SELENOF: variants seen among roughly 807,000 people sequenced by gnomAD.
The protein encoded by SELENOF is 15 kDa selenoprotein.
Under a neutral mutation model 20.5 loss-of-function variants are expected in SELENOF, and 16 were observed. The observed-to-expected ratio is 0.78, with a 90% CI of 0.53 to 1.19. SELENOF has a LOEUF of 1.19. SELENOF is among the 50% of genes most tolerant of loss of function. SELENOF has a pLI of 0.00. For synonymous variants in SELENOF, 78 were observed against 74.5 expected (o/e 1.05, Z -0.24); for missense variants, 215 against 194.2 (o/e 1.11, Z -0.64).
chr1:86,879,649 G>C (rs1183788388), intron 3 of SELENOF, among the ~76,000 whole-genome samples: 2 of 152,104 alleles, frequency 1.3e-5, no homozygotes, highest in Non-Finnish European at 2.9e-5. Flanking sequence ...TATGTAAATT[G>C]AATACTTATG....
intron 1 of SELENOF, among the ~76,000 whole-genome samples, chr1:86,906,326 T>C (rs1199723798): frequency 2.0e-5 from 3 of 152,224 alleles, no homozygotes; most frequent in East Asian, 1.9e-4. Flanking sequence ...AATGTAACAA[T>C]GAGCAGATTG....
chr1:86,894,577 T>C (rs1003262861), intron 2 of SELENOF, among the ~76,000 whole-genome samples: 15 of 152,192 alleles, frequency 9.9e-5, no homozygotes, highest in Non-Finnish European at 1.8e-4. Context: ...TGTTGGTTTA[T>C]GCTTGTAATC....
In SELENOF at chr1:86,891,384, A is replaced by G. The variant is rs532807050; in HGVS notation, c.253-10659T>C. Reference sequence around the variant, plus strand: ...TTTTTTCTACTCCTTGAAGACAAGGAGTCTTATTTTTCTTTGATCTTAACC... The same window carrying G: ...TTTTTTCTACTCCTTGAAGACAAGGGGTCTTATTTTTCTTTGATCTTAACC... On this transcript the variant is annotated intron_variant, in intron 2 of 4. Coordinates refer to ENST00000331835, the MANE Select transcript of SELENOF (RefSeq NM_004261.5). 2.0e-5 allele frequency among the ~76,000 whole-genome samples: 3 copies of G among 152,226 alleles called. No homozygotes were observed. In the South Asian group the frequency reaches 6.2e-4, roughly 32 times the overall value.
At chr1:86,873,711 G>A (rs1658847219) in intron 3 of SELENOF, among the ~76,000 whole-genome samples, 1 of 152,034 alleles carries the variant, frequency 6.6e-6, no homozygotes, top group African/African-American at 2.4e-5. Flanking sequence ...AATTAGCTGG[G>A]CGTGGTGGTG....
chr1:86,886,945 T>C (rs751795233), intron 2 of SELENOF, among the ~76,000 whole-genome samples: 8 of 152,126 alleles, frequency 5.3e-5, no homozygotes, highest in Non-Finnish European at 1.5e-5. Flanking sequence ...ACTAATAATA[T>C]CCAGTATAAT....
In SELENOF at chr1:86,903,368, A is replaced by G; in HGVS notation, c.165T>C (p.Cys55=). The G allele has an allele frequency of 1.2e-6, 2 of 1,612,440 alleles. No individual in the cohort carries two copies. Among genetic ancestry groups the G allele is most frequent in the Non-Finnish European group, 1.7e-6 (2 of 1,179,162 alleles). ...GFSSNLLCSS[C]DLLGQFNLLQ... ...GCAGGTTGAACTGTCCGAGAAGATC[A>G]CAAGAGCTGCAAAGCAAGTTGCTAG... Residue 55 remains cysteine (C), a synonymous_variant, in exon 2 of 5, where the codon TGT becomes TGC. Coordinates refer to ENST00000331835, the MANE Select transcript of SELENOF (RefSeq NM_004261.5).
intron 3 of SELENOF, among the ~76,000 whole-genome samples, chr1:86,875,212 G>C (rs915569449): frequency 6.0e-5 from 9 of 151,252 alleles, no homozygotes; most frequent in Non-Finnish European, 8.8e-5. Flanking sequence ...CTGCACTCCA[G>C]CCTGGGAGAC....
chr1:86,913,962 G>A (rs1041519153), intron 1 of SELENOF, 66 bp downstream of exon 1: 14 of 1,436,090 alleles, frequency 9.7e-6, no homozygotes, highest in African/African-American at 1.4e-5. Context: ...ACCGAATGTT[G>A]CGTCTTTCTC....
intron 2 of SELENOF, among the ~76,000 whole-genome samples, chr1:86,891,099 G>C (rs945929235): frequency 4.0e-5 from 6 of 149,492 alleles, no homozygotes; most frequent in Non-Finnish European, 7.4e-5. Context: ...GCCCAGGCTG[G>C]AGTGCAATGG....
At chr1:86,900,668 G>GGAGACA (rs1307131327) in intron 2 of SELENOF, among the ~76,000 whole-genome samples, 3 of 151,884 alleles carry the variant, frequency 2.0e-5, no homozygotes, top group Admixed American at 6.6e-5. Flanking sequence ...AGAGGGAGAC[G>GGAGACA]GAGACAGAGA....
In SELENOF at chr1:86,880,774, G is replaced by C. The variant is rs751876259; in HGVS notation, c.253-49C>G. On this transcript the variant is annotated intron_variant, in intron 2 of 4. Transcript: ENST00000331835. Reference sequence around the variant, plus strand: ...TAAAAAACTGGTATAAATTAAAAATGTACTTATAAAATAAATATAAATTTT... The same window carrying C: ...TAAAAAACTGGTATAAATTAAAAATCTACTTATAAAATAAATATAAATTTT... The C allele has an allele frequency of 4.1e-4, 465 of 1,142,654 alleles. 1 individual carries two copies. Among genetic ancestry groups the C allele is most frequent in the Non-Finnish European group, 5.5e-4 (444 of 803,942 alleles). The allele number at this position is 1,142,654 out of a possible 1,614,324, so 70.8% of individuals were successfully genotyped here.
chr1:86,899,871 T>C (rs1325258826), intron 2 of SELENOF, among the ~76,000 whole-genome samples: 40 of 123,558 alleles, frequency 3.2e-4, no homozygotes, highest in East Asian at 1.4e-3. Context: ...CCTTCTCAGA[T>C]GGGGCGGCTG....
At chr1:86,902,047 T>G (rs1659716953) in intron 2 of SELENOF, among the ~76,000 whole-genome samples, 1 of 152,152 alleles carries the variant, frequency 6.6e-6, no homozygotes, top group Non-Finnish European at 1.5e-5. Flanking sequence ...CTCATACAGA[T>G]TTATTCAGCA....
rs760296017 is a variant in SELENOF at position 86,903,447 on chromosome 1, A to G, written c.86T>C (p.Val29Ala). The stretch of plus-strand genomic sequence containing the variant: ...TGAAAACTCTGCCCCAAAAGCAGAC[A>G]CCTGAAAATAAAAAATGGGAAATAA... ...RLLLATVLQAVSAFGAEFSSE... is the reference protein window; with the variant it reads ...RLLLATVLQAASAFGAEFSSE... The change falls in exon 2 of 5, where the codon GTG (valine) becomes GCG (alanine). Residue 29 changes from valine to alanine, a missense_variant and splice_region_variant. Val to Ala is a moderately conservative substitution (Grantham distance 64). Transcript: ENST00000331835. 21 of 1,590,026 alleles carry G rather than the reference A, an allele frequency of 1.3e-5. No individual in the cohort carries two copies. The highest frequency in any genetic ancestry group is 1.8e-5 in the Non-Finnish European group (21 of 1,170,496).
intron 1 of SELENOF, among the ~76,000 whole-genome samples, chr1:86,907,810 C>T (rs529041613): frequency 4.0e-5 from 6 of 151,846 alleles, no homozygotes; most frequent in Non-Finnish European, 7.4e-5. Flanking sequence ...ATGGTGAAAC[C>T]CCGTCTCTAC....
intron 2 of SELENOF, among the ~76,000 whole-genome samples, chr1:86,899,286 C>A (rs1659608558): frequency 6.6e-6 from 1 of 150,598 alleles, no homozygotes; most frequent in African/African-American, 2.5e-5. Context: ...GGCCCGTTCT[C>A]AATGAGCTGT....
chr1:86,885,855 T>C (rs1659201039), intron 2 of SELENOF, among the ~76,000 whole-genome samples: 1 of 152,190 alleles, frequency 6.6e-6, no homozygotes. Flanking sequence ...AAGGGTTATT[T>C]ACTTCCAGAA....
chr1:86,913,626 G>A (rs9433110), intron 1 of SELENOF, among the ~76,000 whole-genome samples: 17,559 of 152,106 alleles, frequency 0.12, 1,636 homozygotes, highest in African/African-American at 0.25. Context: ...CAAACTGTTC[G>A]CCTGGACCAA....
At chr1:86,899,405 G>A (rs1192529989) in intron 2 of SELENOF, among the ~76,000 whole-genome samples, 5 of 128,222 alleles carry the variant, frequency 3.9e-5, no homozygotes, top group South Asian at 2.3e-4. Context: ...ACGGCTGGCC[G>A]GGCAGGGGGC....
Sources: allele counts gnomAD v4.1 joint callset (sites outside exome capture counted in the v4.1 genomes callset), GRCh38; gene constraint gnomAD v4.1.1; transcripts MANE v1.5; gene names NCBI Gene and HGNC (gene_info 2026-07-23, HGNC 2026-07-21).